The following DHX15 variants were observed in gnomAD, a reference collection of about 807,000 sequenced individuals.
The protein encoded by DHX15 is ATP-dependent RNA helicase DHX15.
DHX15 carries 11 observed loss-of-function variants against 94.4 expected under a neutral mutation model. The observed-to-expected ratio is 0.12, with a 90% CI of 0.07 to 0.19. DHX15 has a LOEUF of 0.19. DHX15 is among the 10% of genes least tolerant of loss of function. The pLI is 1.00. For synonymous variants in DHX15, 338 were observed against 329.9 expected (o/e 1.02, Z -0.27); for missense variants, 304 against 988.5 (o/e 0.31, Z 9.29).
intron 11 of DHX15, among the ~76,000 whole-genome samples, chr4:24,536,221 A>C (rs1030673559): frequency 1.3e-5 from 2 of 152,172 alleles, no homozygotes; most frequent in Non-Finnish European, 2.9e-5. Flanking sequence ...AGCTAGAACA[A>C]TTACTTCATA....
intron 11 of DHX15, 111 bp downstream of exon 11, chr4:24,536,940 G>C: frequency 8.0e-7 from 1 of 1,257,528 alleles, no homozygotes; most frequent in Non-Finnish European, 1.1e-6. Context: ...AGTACCTCTG[G>C]GTTTCTAATA....
chr4:24,534,203 C>T (rs1304323147), intron 11 of DHX15: 1 of 152,102 alleles, frequency 6.6e-6, no homozygotes, highest in Non-Finnish European at 1.5e-5. Flanking sequence ...AATCAAAGCA[C>T]TGAATATCTT....
intron 3 of DHX15, among the ~76,000 whole-genome samples, chr4:24,557,086 G>C (rs2109408639): frequency 6.6e-6 from 1 of 152,242 alleles, no homozygotes; most frequent in Middle Eastern, 3.4e-3. Flanking sequence ...ACCAGGCTTA[G>C]TTAGGGATGG....
intron 6 of DHX15, among the ~76,000 whole-genome samples, chr4:24,548,555 GA>G (rs1721511051): frequency 6.6e-6 from 1 of 152,108 alleles, no homozygotes; most frequent in Non-Finnish European, 1.5e-5. Context: ...AGGCACCAAA[GA>G]AAAAGTGCTT....
intron 6 of DHX15, among the ~76,000 whole-genome samples, chr4:24,548,074 G>C (rs1188802231): frequency 1.3e-5 from 2 of 149,486 alleles, no homozygotes; most frequent in Non-Finnish European, 3.0e-5. Flanking sequence ...CTGTCCGTTT[G>C]ACAGGATCTA....
chr4:24,561,938 T>C (rs1260106855), intron 3 of DHX15, among the ~76,000 whole-genome samples: 3 of 152,052 alleles, frequency 2.0e-5, no homozygotes, highest in Middle Eastern at 3.2e-3. Flanking sequence ...AAGACCAGCC[T>C]GGCCAACATG....
intron 12 of DHX15, 98 bp from the exon 13 acceptor site, chr4:24,529,868 T>G (rs1197635656): frequency 2.5e-6 from 3 of 1,222,474 alleles, no homozygotes; most frequent in Non-Finnish European, 3.6e-6. Context: ...TCCCTTTTAC[T>G]TTTCATTCTA....
intron 3 of DHX15, among the ~76,000 whole-genome samples, chr4:24,570,221 C>A (rs1310360401): frequency 6.6e-6 from 1 of 152,204 alleles, no homozygotes; most frequent in African/African-American, 2.4e-5. Context: ...ATAACAGATG[C>A]ACGGTAATAG....
intron 10 of DHX15, among the ~76,000 whole-genome samples, chr4:24,539,371 G>C (rs145588488): frequency 1.7e-3 from 252 of 152,150 alleles, no homozygotes; most frequent in African/African-American, 5.9e-3. Flanking sequence ...TGTAAGAATA[G>C]CTATTCATTT....
intron 2 of DHX15, among the ~76,000 whole-genome samples, chr4:24,573,725 C>T (rs924728688): frequency 6.6e-6 from 1 of 152,170 alleles, no homozygotes; most frequent in African/African-American, 2.4e-5. Context: ...ACCTGCCCCA[C>T]CTCCACCTTC....
In DHX15 at chr4:24,540,605, A is replaced by G. The variant is rs559228275; in HGVS notation, c.1594+235T>C. 4.6e-5 allele frequency among the ~76,000 whole-genome samples: 7 copies of G among 151,736 alleles called. No homozygotes were observed. The East Asian group carries it at 1.4e-3, about 29-fold the overall frequency. The stretch of plus-strand genomic sequence containing the variant: ...ATTCTCACATTTTCATGCCCAGAGG[A>G]TAATTCAATTTACCCAAACCCCCCC... On this transcript the variant is annotated intron_variant, in intron 9 of 13. Transcript: ENST00000336812.
intron 12 of DHX15, among the ~76,000 whole-genome samples, chr4:24,532,245 T>TA (rs1406443573): frequency 8.5e-5 from 13 of 152,286 alleles, no homozygotes; most frequent in African/African-American, 3.1e-4. Flanking sequence ...TAAAACCTTT[T>TA]AAATTATGTT....
chr4:24,582,201 C>G (rs974502556), intron 1 of DHX15, among the ~76,000 whole-genome samples: 20 of 152,276 alleles, frequency 1.3e-4, no homozygotes, highest in African/African-American at 4.6e-4. Flanking sequence ...ATAAATGGCA[C>G]TCAAATGACA....
rs1280075504 is a variant in DHX15, at chr4:24,547,897, GTATGTGTATATATATA to G, written c.1248+942_1248+957del. 1.9e-3 allele frequency among the ~76,000 whole-genome samples: 105 copies of G among 55,776 alleles called. 2 individuals carry two copies. Among genetic ancestry groups the G allele is most frequent in the Middle Eastern group, 0.021 (2 of 96 alleles). The allele number at this position is 55,776 out of a possible 152,430, so 36.6% of individuals were successfully genotyped here. On this transcript the variant is annotated intron_variant, in intron 6 of 13. Transcript: ENST00000336812. Reference sequence around the variant, plus strand: ...TCTCTCTCTCTCTCTCTCTATGTATGTATGTGTATATATATATATATATATATATATATATATATAT... The same window carrying G: ...TCTCTCTCTCTCTCTCTCTATGTATGTATATATATATATATATATATATAT...
chr4:24,570,701 A>G lies in DHX15; in HGVS notation c.654T>C (p.Gly218=). 2 of 1,614,114 alleles carry G rather than the reference A, an allele frequency of 1.2e-6. No individual in the cohort carries two copies. The highest frequency in any genetic ancestry group is 1.7e-6 in the Non-Finnish European group (2 of 1,180,034). The change falls in exon 3 of 14, where the codon GGT becomes GGC. Residue 218 remains glycine, a synonymous_variant. Transcript: ENST00000336812. ...TGCAGTCTTCAAATCGAATGGAGTA[A>G]CCAACTTCCTGGCCCAACATCACAT... ...EMDVMLGQEV[G]YSIRFEDCSS... is the part of the protein sequence containing the mutation.
chr4:24,542,852 C>G, intron 7 of DHX15, 88 bp downstream of exon 7: 1 of 954,190 alleles, frequency 1.0e-6, no homozygotes. Flanking sequence ...GAAAATAATT[C>G]TGAAAGGTAA....
At chr4:24,574,688 C>T (rs771964623) in intron 2 of DHX15, among the ~76,000 whole-genome samples, 167 of 152,156 alleles carry the variant, frequency 1.1e-3, no homozygotes, top group Non-Finnish European at 2.1e-3. Context: ...TTCTCATAAA[C>T]TTAAACCTCA....
At chr4:24,538,238 G>A (rs920416530) in intron 10 of DHX15, 6 of 152,022 alleles carry the variant, frequency 3.9e-5, no homozygotes, top group South Asian at 2.1e-4. Flanking sequence ...TTATCGGTTC[G>A]GATAGAAGAT....
intron 3 of DHX15, among the ~76,000 whole-genome samples, chr4:24,561,978 A>C (rs1424108645): frequency 6.6e-6 from 1 of 151,960 alleles, no homozygotes; most frequent in Non-Finnish European, 1.5e-5. Flanking sequence ...AAAAAATACA[A>C]AAATTCACCA....
Sources: allele counts gnomAD v4.1 joint callset (sites outside exome capture counted in the v4.1 genomes callset), GRCh38; gene constraint gnomAD v4.1.1; transcripts MANE v1.5; gene names NCBI Gene and HGNC (gene_info 2026-07-23, HGNC 2026-07-21).